The following CARF variants were observed in gnomAD, a reference collection of about 807,000 sequenced individuals.
CARF encodes the protein calcium-responsive transcription factor.
CARF carries 57 observed loss-of-function variants against 82.0 expected under a neutral mutation model. That is an observed-to-expected ratio of 0.70 (90% CI 0.56 to 0.87). The LOEUF (loss-of-function observed/expected upper bound fraction) is 0.87. Ranked by LOEUF, CARF falls within the 40% of genes least tolerant of loss-of-function variation. The probability of loss-of-function intolerance (pLI) is 0.00; values close to 1 mark genes in which losing one functional copy is unlikely to be tolerated. For missense variants in CARF, 771 were observed against 855.8 expected, an observed-to-expected ratio of 0.90 and a Z score of 1.24; for synonymous variants, 268 against 290.1, an observed-to-expected ratio of 0.92 and a Z score of 0.77.
chr2:202,967,134 G>C (rs764385389), intron 10 of CARF, 36 bp downstream of exon 10: 8 of 1,602,030 alleles, frequency 5.0e-6, no homozygotes, highest in Non-Finnish European at 6.8e-6. Context: ...TTTCTATTAA[G>C]AACTTATTTT....
Position 202,987,758 on chromosome 2 carries a change from C to T in CARF, c.*4134C>T, listed in dbSNP as rs1254944135. 6.6e-6 allele frequency among the ~76,000 whole-genome samples: 1 copy of T among 152,002 alleles called. No individual in the cohort carries two copies. Among genetic ancestry groups the T allele is most frequent in the Non-Finnish European group, 1.5e-5 (1 of 67,974 alleles). On this transcript the variant is annotated 3_prime_UTR_variant, in exon 17 of 17. Coordinates refer to ENST00000438828, the MANE Select transcript of CARF (RefSeq NM_024744.17). ...GATTTGGGTATAAGAATACTAAAACCAGAGTACAGGGTGTGAATCATGTAC... is the reference window on the plus strand; with the variant it reads ...GATTTGGGTATAAGAATACTAAAACTAGAGTACAGGGTGTGAATCATGTAC...
At chr2:202,941,118 A>T (rs1301679486) in intron 3 of CARF, among the ~76,000 whole-genome samples, 2 of 152,140 alleles carry the variant, frequency 1.3e-5, no homozygotes, top group Non-Finnish European at 2.9e-5. Flanking sequence ...TTACTTCTAT[A>T]GCCCAAGGTA....
intron 5 of CARF, among the ~76,000 whole-genome samples, chr2:202,944,206 G>T (rs1190297447): frequency 6.6e-6 from 1 of 152,138 alleles, no homozygotes; most frequent in Admixed American, 6.6e-5. Context: ...CATAGTTTGA[G>T]CCAAAGAGGT....
intron 5 of CARF, among the ~76,000 whole-genome samples, chr2:202,949,118 G>A (rs986347994): frequency 2.0e-5 from 3 of 152,122 alleles, no homozygotes; most frequent in African/African-American, 7.2e-5. Context: ...GGCAGATCAC[G>A]AGGTCAGGAG....
chr2:202,941,026 T>G (rs1266458705), intron 3 of CARF, among the ~76,000 whole-genome samples: 1 of 152,052 alleles, frequency 6.6e-6, no homozygotes, highest in African/African-American at 2.4e-5. Flanking sequence ...AAACTCCTTC[T>G]AAATAATTTT....
At chr2:202,921,148 C>T (rs1240529442) in intron 2 of CARF, among the ~76,000 whole-genome samples, 5 of 152,016 alleles carry the variant, frequency 3.3e-5, no homozygotes, top group African/African-American at 7.2e-5. Context: ...ACTACAAGTG[C>T]GTGCCACCGT....
intron 9 of CARF, chr2:202,962,328 C>CA (rs972220566): frequency 1.3e-5 from 2 of 151,986 alleles, no homozygotes; most frequent in Non-Finnish European, 2.9e-5. Context: ...CTCATCTTTA[C>CA]AAAAAATAAT....
chr2:202,968,612 A>C (rs981181160), intron 10 of CARF, among the ~76,000 whole-genome samples: 3 of 152,052 alleles, frequency 2.0e-5, no homozygotes, highest in Non-Finnish European at 2.9e-5. Flanking sequence ...TAAAAACTTT[A>C]GGTATAACTT....
At position 202,987,862 on chromosome 2, in the gene CARF, A is replaced by G. The variant is rs922895498; in HGVS notation, c.*4238A>G. On this transcript the variant is annotated 3_prime_UTR_variant, in exon 17 of 17. Coordinates refer to ENST00000438828, the MANE Select transcript of CARF (RefSeq NM_024744.17). ...AAACTGTACATATTTAAAGTACCCA[A>G]TATGATAAGTTTTGTCATATGCATA... Among the ~76,000 whole-genome samples, 2 of 152,164 alleles carry G rather than the reference A, an allele frequency of 1.3e-5. No individual in the cohort carries two copies. Among genetic ancestry groups the G allele is most frequent in the Non-Finnish European group, 2.9e-5 (2 of 68,034 alleles).
chr2:202,917,536 T>G (rs1226662540), intron 1 of CARF, among the ~76,000 whole-genome samples: 1 of 152,182 alleles, frequency 6.6e-6, no homozygotes, highest in Non-Finnish European at 1.5e-5. Flanking sequence ...TTCTTGTGGC[T>G]CCAAAAGATA....
intron 9 of CARF, among the ~76,000 whole-genome samples, chr2:202,966,536 ACT>A (rs1205560645): frequency 6.6e-6 from 1 of 151,994 alleles, no homozygotes; most frequent in African/African-American, 2.4e-5. Flanking sequence ...ACAAGACAAA[ACT>A]CTGTCTACTA....
Position 202,982,186 on chromosome 2 carries a change from G to T in CARF, c.1804G>T (p.Val602Leu), listed in dbSNP as rs2105946935. The change falls in exon 16 of 17, where the codon GTA (valine) becomes TTA (leucine). Residue 602 changes from valine to leucine, a missense_variant. Transcript: ENST00000438828. Reference sequence around the variant, plus strand: ...ACTTCTGGATACAATAGGAAGTGCTGTAATGAATAATAATTCTCTACTGCT... The same window carrying T: ...ACTTCTGGATACAATAGGAAGTGCTTTAATGAATAATAATTCTCTACTGCT... ...SGLLDTIGSA[V>L]MNNNSLLLGQ... 4 of 1,614,172 alleles carry T rather than the reference G, an allele frequency of 2.5e-6. No individual in the cohort carries two copies. The highest frequency in any genetic ancestry group is 2.2e-5 in the East Asian group (1 of 44,878).
intron 3 of CARF, among the ~76,000 whole-genome samples, chr2:202,937,981 G>A (rs1366164851): frequency 6.6e-6 from 1 of 151,804 alleles, no homozygotes; most frequent in Non-Finnish European, 1.5e-5. Flanking sequence ...TATTTATGGG[G>A]TACATGAAAT....
chr2:202,937,121 T>C (rs1694067735), intron 3 of CARF, among the ~76,000 whole-genome samples: 1 of 152,238 alleles, frequency 6.6e-6, no homozygotes, highest in Non-Finnish European at 1.5e-5. Flanking sequence ...ATGTTATTTC[T>C]GGACTCTCGA....
intron 4 of CARF, 98 bp from the exon 5 acceptor site, chr2:202,942,641 TA>T: frequency 1.8e-6 from 2 of 1,095,366 alleles, no homozygotes; most frequent in Non-Finnish European, 2.5e-6. Flanking sequence ...TACAAAAAAG[TA>T]AAAACAACTG....
intron 14 of CARF, among the ~76,000 whole-genome samples, chr2:202,981,018 G>A (rs1490227240): frequency 2.0e-5 from 3 of 152,014 alleles, no homozygotes; most frequent in African/African-American, 4.8e-5. Context: ...ATTAATGGAG[G>A]TTAAACCTAG....
At chr2:202,948,123 T>A (rs1330943646) in intron 5 of CARF, among the ~76,000 whole-genome samples, 3 of 152,216 alleles carry the variant, frequency 2.0e-5, no homozygotes, top group Non-Finnish European at 2.9e-5. Context: ...GTCTCCCTAA[T>A]GCTTGTTTTT....
intron 3 of CARF, among the ~76,000 whole-genome samples, chr2:202,931,643 C>T (rs1692956321): frequency 6.6e-6 from 1 of 152,198 alleles, no homozygotes; most frequent in Non-Finnish European, 1.5e-5. Context: ...TTTATCATGC[C>T]AGTCAGGAAG....
At chr2:202,933,121 C>G (rs534683427) in intron 3 of CARF, among the ~76,000 whole-genome samples, 40 of 152,232 alleles carry the variant, frequency 2.6e-4, no homozygotes, top group Middle Eastern at 3.4e-3. Context: ...TGCTTCAGCT[C>G]TGGCCTGAGG....
Sources: allele counts gnomAD v4.1 joint callset (sites outside exome capture counted in the v4.1 genomes callset), GRCh38; gene constraint gnomAD v4.1.1; transcripts MANE v1.5; gene names NCBI Gene and HGNC (gene_info 2026-07-23, HGNC 2026-07-21).